NOTCH2: variants seen among roughly 807,000 people sequenced by gnomAD.
The protein encoded by NOTCH2 is notch receptor 2, also known as neurogenic locus notch homolog protein 2.
In NOTCH2, 29 loss-of-function variants were observed where a neutral mutation model predicts 235.8. The ratio of observed to expected loss-of-function variants is 0.12; its 90% CI spans 0.09 to 0.17. The LOEUF (loss-of-function observed/expected upper bound fraction) is 0.17, where lower values mean the gene tolerates loss of function less well. Ranked by LOEUF, NOTCH2 falls within the 10% of genes least tolerant of loss-of-function variation. NOTCH2 has a pLI of 1.00. For synonymous variants in NOTCH2, 1,086 were observed against 1,141.5 expected (o/e 0.95, Z 0.98); for missense variants, 2,285 against 3,150.2 (o/e 0.73, Z 6.57).
chr1:119,923,158 T>C (rs587663022), intron 26 of NOTCH2, among the ~76,000 whole-genome samples: 3 of 152,360 alleles, frequency 2.0e-5, no homozygotes, highest in South Asian at 4.1e-4. Flanking sequence ...TGTGTGTTTT[T>C]AGTCCTTATT....
At chr1:120,033,896 A>T (rs1654202327) in intron 1 of NOTCH2, among the ~76,000 whole-genome samples, 1 of 151,876 alleles carries the variant, frequency 6.6e-6, no homozygotes, top group African/African-American at 2.4e-5. Flanking sequence ...ATAAATGTAT[A>T]CAACTATAAA....
intron 22 of NOTCH2, 36 bp downstream of exon 22, chr1:119,935,436 G>A: frequency 1.2e-6 from 2 of 1,614,000 alleles, no homozygotes; most frequent in East Asian, 4.5e-5. Flanking sequence ...TTAAGACAAT[G>A]CCCTGGATGG....
In NOTCH2 at chr1:119,922,461, A is replaced by T. The variant is rs934352168; in HGVS notation, c.5003-15T>A. The T allele has an allele frequency of 6.2e-7, 1 of 1,606,404 alleles. No individual in the cohort carries two copies. The highest frequency in any genetic ancestry group is 1.3e-5 in the African/African-American group (1 of 74,774). On this transcript the variant is annotated splice_polypyrimidine_tract_variant and intron_variant, in intron 27 of 33. Transcript: ENST00000256646. ...CAGGGATTCACCTGAAAGTCCACAG[A>T]GACAGGGAAAGTGCTGAATAAAACA... is the stretch of plus-strand genomic sequence containing the variant.
chr1:120,014,024 T>C (rs587758082), intron 2 of NOTCH2, among the ~76,000 whole-genome samples: 10 of 147,350 alleles, frequency 6.8e-5, no homozygotes, highest in Admixed American at 1.3e-4. Context: ...ATGCCTTTCA[T>C]CCGCAAAACT....
chr1:120,043,051 C>T (rs1274196538), intron 1 of NOTCH2, among the ~76,000 whole-genome samples: 3 of 151,352 alleles, frequency 2.0e-5, no homozygotes, highest in African/African-American at 7.3e-5. Context: ...TAACAGGCAC[C>T]TATGCTACCT....
intron 1 of NOTCH2, among the ~76,000 whole-genome samples, chr1:120,065,035 G>C (rs1655451891): frequency 6.6e-6 from 1 of 152,084 alleles, no homozygotes; most frequent in African/African-American, 2.4e-5. Flanking sequence ...TGAGAGGCAG[G>C]GGGTGGATGG....
rs1557840151 is a variant in NOTCH2 at position 119,999,959 on chromosome 1, GAAA to G, written c.416-2630_416-2628del. ...AGAAAGAAAGAAAGAAAGAAAGAAA[GAAA>G]GAAAGAAAGAAAGAAAGGAAGGAAG... On this transcript the variant is annotated intron_variant, in intron 3 of 33. Transcript: ENST00000256646. Among the ~76,000 whole-genome samples the G allele has an allele frequency of 1.8e-3, 227 of 129,326 alleles. 1 individual carries two copies. The highest frequency in any genetic ancestry group is 2.0e-3 in the Non-Finnish European group (129 of 64,422). 84.8% of individuals were successfully genotyped at this position (129,326 alleles called of 152,430 possible).
chr1:120,047,628 A>AG (rs1654832674), intron 1 of NOTCH2, among the ~76,000 whole-genome samples: 1 of 142,016 alleles, frequency 7.0e-6, no homozygotes, highest in Non-Finnish European at 1.5e-5. Flanking sequence ...AGGTTGTGGT[A>AG]AGCCAACATC....
chr1:120,025,936 C>A (rs1242148037), intron 2 of NOTCH2, among the ~76,000 whole-genome samples: 1 of 134,012 alleles, frequency 7.5e-6, no homozygotes, highest in East Asian at 2.0e-4. Context: ...ATTTACACCT[C>A]CCAGTAGGAC....
intron 5 of NOTCH2, among the ~76,000 whole-genome samples, chr1:119,981,338 G>A (rs1005391701): frequency 6.6e-6 from 1 of 152,048 alleles, no homozygotes; most frequent in African/African-American, 2.4e-5. Context: ...GTTATGTGTG[G>A]ACTTTCTTAT....
chr1:120,000,898 G>A (rs1469121500), intron 3 of NOTCH2, among the ~76,000 whole-genome samples: 1 of 151,880 alleles, frequency 6.6e-6, no homozygotes, highest in African/African-American at 2.4e-5. Flanking sequence ...ATATGGTTTG[G>A]TAGTGTCCCC....
chr1:120,002,469 T>C (rs1284989983), intron 3 of NOTCH2, among the ~76,000 whole-genome samples: 1 of 151,836 alleles, frequency 6.6e-6, no homozygotes, highest in African/African-American at 2.4e-5. Context: ...AACAGCCCAA[T>C]CCAGGCGGAA....
chr1:120,055,675 G>T (rs1248274317), intron 1 of NOTCH2, among the ~76,000 whole-genome samples: 3 of 148,714 alleles, frequency 2.0e-5, no homozygotes, highest in Non-Finnish European at 4.5e-5. Flanking sequence ...TTACTAAATC[G>T]GCAAAATAAA....
chr1:119,971,196 C>A (rs1220351286), intron 5 of NOTCH2, among the ~76,000 whole-genome samples: 5 of 152,224 alleles, frequency 3.3e-5, no homozygotes, highest in African/African-American at 9.7e-5. Flanking sequence ...TCTCCCACTA[C>A]TTGGCTGCAG....
At chr1:119,920,942 C>T (rs1487921074) in intron 29 of NOTCH2, among the ~76,000 whole-genome samples, 1 of 152,200 alleles carries the variant, frequency 6.6e-6, no homozygotes, top group African/African-American at 2.4e-5. Context: ...AGCAGCTACC[C>T]TTTACTGAAT....
rs1557806739 is a variant in NOTCH2, at chr1:119,925,654, T to C, written c.4162A>G (p.Ser1388Gly). The part of the protein sequence containing the change: ...CASSPCQHGG[S>G]CHPQRQPPYY... ...GGAGGCTGGCGCTGAGGGTGGCAGCTGCCCCCGTGCTGGCAGGGGCTACTG... is the reference window on the plus strand; with the variant it reads ...GGAGGCTGGCGCTGAGGGTGGCAGCCGCCCCCGTGCTGGCAGGGGCTACTG... Residue 1388 changes from serine (S) to glycine (G), a missense_variant, in exon 25 of 34, where the codon AGC becomes GGC. Physicochemically the swap from Ser to Gly is moderately conservative, Grantham distance 56. Around this residue, in one of 6 missense-constraint regions of NOTCH2, gnomAD observed 1,173 missense variants for 1,515.3 expected, o/e 0.77. Transcript: ENST00000256646. 1 of 1,612,614 alleles carries C rather than the reference T, an allele frequency of 6.2e-7. No individual in the cohort carries two copies. The highest frequency in any genetic ancestry group is 8.5e-7 in the Non-Finnish European group (1 of 1,178,816).
intron 5 of NOTCH2, among the ~76,000 whole-genome samples, chr1:119,977,309 CACGCAA>C (rs1271151553): frequency 6.6e-6 from 1 of 152,148 alleles, no homozygotes; most frequent in African/African-American, 2.4e-5. Context: ...CACCAGTTCA[CACGCAA>C]ACCCCTCATC....
At chr1:119,987,695 C>G (rs1320526887) in intron 4 of NOTCH2, among the ~76,000 whole-genome samples, 5 of 152,106 alleles carry the variant, frequency 3.3e-5, no homozygotes. Flanking sequence ...ATTCCACTTG[C>G]CTATCCTGTC....
intron 19 of NOTCH2, 70 bp from the exon 20 acceptor site, chr1:119,938,080 G>A (rs2101100275): frequency 1.3e-6 from 2 of 1,540,810 alleles, no homozygotes; most frequent in South Asian, 2.3e-5. Flanking sequence ...AAGTTATATT[G>A]TGTTACAAGA....
Sources: gnomAD v4.1 joint callset for allele counts (sites outside exome capture counted in the v4.1 genomes callset) on GRCh38, gnomAD v4.1.1 for gene constraint, gnomAD v4.1.1 regional missense constraint, MANE v1.5 for transcripts, NCBI Gene and HGNC (gene_info 2026-07-23, HGNC 2026-07-21) for gene names.